The following NPHP1 variants were observed in gnomAD, a reference collection of about 807,000 sequenced individuals.
NPHP1 encodes the protein nephrocystin 1, also known as nephrocystin-1.
In NPHP1, 70 loss-of-function variants were observed where a neutral mutation model predicts 90.4. That is an observed-to-expected ratio of 0.77 (90% confidence interval 0.64 to 0.95). The LOEUF (loss-of-function observed/expected upper bound fraction) is 0.95, where lower values mean the gene tolerates loss of function less well. Among genes scored for constraint, NPHP1 ranks in the 40% least tolerant of loss-of-function variants. The pLI, the probability that NPHP1 is intolerant of heterozygous loss-of-function variation, is 0.00. For missense variants in NPHP1, 764 were observed against 795.9 expected, an observed-to-expected ratio of 0.96 and a Z score of 0.48; for synonymous variants, 256 against 271.7, an observed-to-expected ratio of 0.94 and a Z score of 0.57.
chr2:110,194,906 CCA>C (rs1491487184), intron 2 of NPHP1, among the ~76,000 whole-genome samples: 2 of 135,880 alleles, frequency 1.5e-5, no homozygotes, highest in Admixed American at 1.5e-4. Context: ...ACGACAAAAA[CCA>C]CATGATTATC....
chr2:110,154,917 T>C (rs1681776589), intron 11 of NPHP1, among the ~76,000 whole-genome samples: 1 of 152,066 alleles, frequency 6.6e-6, no homozygotes, highest in Non-Finnish European at 1.5e-5. Flanking sequence ...TTCGCATAGG[T>C]AACAAGGAGC....
rs368025611 is a variant in NPHP1, at chr2:110,201,460, T to C, written c.104A>G (p.Glu35Gly). Residue 35 changes from glutamate to glycine, a missense_variant, in exon 2 of 20, where the codon GAA (glutamate) becomes GGA (glycine). Physicochemically the swap from Glu to Gly is moderately conservative, Grantham distance 98 (BLOSUM62 -2). Transcript: ENST00000445609. ...TTGTCTTTTATTGGGTTCTAGAGCT[T>C]CTTTCAGTTGGCTCTCAGAAAGCAA... ...DSLLSESQLK[E>G]ALEPNKRQHI... 39 of 1,610,804 alleles carry C rather than the reference T, an allele frequency of 2.4e-5. No homozygotes were observed. Among genetic ancestry groups the C allele is most frequent in the Non-Finnish European group, 3.0e-5 (35 of 1,178,104 alleles).
At chr2:110,154,577 G>T (rs1681746480) in intron 11 of NPHP1, among the ~76,000 whole-genome samples, 1 of 152,138 alleles carries the variant, frequency 6.6e-6, no homozygotes, top group South Asian at 2.1e-4. Flanking sequence ...TGAACAATAA[G>T]GTCCAGGCTG....
chr2:110,150,309 AC>A, intron 11 of NPHP1, 53 bp from the exon 12 acceptor site: 1 of 1,527,058 alleles, frequency 6.5e-7, no homozygotes, highest in Non-Finnish European at 9.1e-7. Context: ...TTGAAATGTC[AC>A]CATTTCCATG....
rs1437420876 is a variant in NPHP1, at chr2:110,161,678, A to G, written c.879T>C (p.Asn293=). The G allele has an allele frequency of 6.2e-7, 1 of 1,612,312 alleles. No homozygotes were observed. Among genetic ancestry groups the G allele is most frequent in the Non-Finnish European group, 8.5e-7 (1 of 1,178,506 alleles). Reference sequence around the variant, plus strand: ...GCATGAGCTCTGGTTGTAAGAAGTAATTTGCTCGAAATTGATTCCCTGAAA... The same window carrying G: ...GCATGAGCTCTGGTTGTAAGAAGTAGTTTGCTCGAAATTGATTCCCTGAAA... The part of the protein sequence containing the change: ...LLEEGNQFRA[N]YFLQPELMPS... The change falls in exon 10 of 20, where the codon AAT becomes AAC. Residue 293 remains asparagine, a synonymous_variant. Coordinates refer to ENST00000445609, the MANE Select transcript of NPHP1 (RefSeq NM_001128178.3).
chr2:110,129,052 A>G (rs1679575756), intron 18 of NPHP1, 134 bp downstream of exon 18: 2 of 706,164 alleles, frequency 2.8e-6, no homozygotes, highest in East Asian at 5.4e-5. Flanking sequence ...GGACTGAGTT[A>G]CCTAGACAAT....
chr2:110,173,600 T>G (rs532357251), intron 4 of NPHP1, among the ~76,000 whole-genome samples: 1 of 152,176 alleles, frequency 6.6e-6, no homozygotes, highest in Non-Finnish European at 1.5e-5. Context: ...TGTGTTACAA[T>G]TGTGTACAGT....
chr2:110,170,430 C>G (rs145476638), intron 4 of NPHP1, among the ~76,000 whole-genome samples: 3 of 152,268 alleles, frequency 2.0e-5, no homozygotes, highest in Non-Finnish European at 4.4e-5. Context: ...AATAATAGAA[C>G]CTGCCTTCTA....
At chr2:110,165,305 A>G in intron 6 of NPHP1, 150 bp from the exon 7 acceptor site, 1 of 678,362 alleles carries the variant, frequency 1.5e-6, no homozygotes, top group South Asian at 1.7e-5. Context: ...TACTTTCAGA[A>G]AATCTTGAGC....
chr2:110,175,199 G>C (rs1227617481), intron 4 of NPHP1, among the ~76,000 whole-genome samples: 3 of 151,952 alleles, frequency 2.0e-5, no homozygotes, highest in African/African-American at 7.2e-5. Context: ...GAATCAACTG[G>C]ATATTATAAA....
At chr2:110,132,934 CA>C (rs1423979245) in intron 16 of NPHP1, among the ~76,000 whole-genome samples, 1 of 151,784 alleles carries the variant, frequency 6.6e-6, no homozygotes, top group Non-Finnish European at 1.5e-5. Flanking sequence ...AAAAGGGAAT[CA>C]AAATTTGTCA....
At chr2:110,151,538 A>G (rs932626125) in intron 11 of NPHP1, among the ~76,000 whole-genome samples, 3 of 152,188 alleles carry the variant, frequency 2.0e-5, no homozygotes, top group African/African-American at 7.2e-5. Flanking sequence ...ATAATTTAAA[A>G]TAATCCCAAA....
At chr2:110,144,590 A>G (rs749453064) in intron 14 of NPHP1, 21 bp from the exon 15 acceptor site, 4 of 1,414,146 alleles carry the variant, frequency 2.8e-6, no homozygotes, top group South Asian at 1.1e-5. Context: ...ATAACATACA[A>G]TGACAGATAT....
At position 110,182,080 on chromosome 2, in the gene NPHP1, T is replaced by C. The variant is rs532532352; in HGVS notation, c.144-2396A>G. Among the ~76,000 whole-genome samples, 102 of 151,520 alleles carry C rather than the reference T, an allele frequency of 6.7e-4. 1 individual carries two copies. The highest frequency in any genetic ancestry group is 1.0e-3 in the Non-Finnish European group (70 of 67,850). On this transcript the variant is annotated intron_variant, in intron 2 of 19. Transcript: ENST00000445609. Reference sequence around the variant, plus strand: ...CTGAATTAAGACAGGCGGACAAGAATAGGGAAAAAAGAATGAAAATGAATG... The same window carrying C: ...CTGAATTAAGACAGGCGGACAAGAACAGGGAAAAAAGAATGAAAATGAATG...
intron 16 of NPHP1, among the ~76,000 whole-genome samples, chr2:110,133,756 A>C (rs1484898994): frequency 7.0e-6 from 1 of 143,082 alleles, no homozygotes; most frequent in Non-Finnish European, 1.5e-5. Context: ...AAATATGTGG[A>C]AATTAAACAA....
At chr2:110,131,278 C>T (rs894205883) in intron 17 of NPHP1, among the ~76,000 whole-genome samples, 5 of 152,094 alleles carry the variant, frequency 3.3e-5, no homozygotes, top group African/African-American at 1.2e-4. Context: ...TTAAACTAAT[C>T]CATTTGATAC....
At position 110,123,930 on chromosome 2, in the gene NPHP1, A is replaced by G. The variant is rs1212945698; in HGVS notation, c.1895T>C (p.Ile632Thr). ...TTGGTTTTGCTTAAGGAAGTCAGTGATAACTTTCCACCGTGCAGTCTCAGT... is the reference window on the plus strand; with the variant it reads ...TTGGTTTTGCTTAAGGAAGTCAGTGGTAACTTTCCACCGTGCAGTCTCAGT... ...EETETARWKV[I>T]TDFLKQNQEN... The change falls in exon 20 of 20, where the codon ATC becomes ACC. Residue 632 changes from isoleucine (I) to threonine (T), a missense_variant. By Grantham distance (89) the Ile-to-Thr change is moderately conservative. Coordinates refer to ENST00000445609, the MANE Select transcript of NPHP1 (RefSeq NM_001128178.3). 15 of 1,614,018 alleles carry G rather than the reference A, an allele frequency of 9.3e-6. No individual in the cohort carries two copies. Among genetic ancestry groups the G allele is most frequent in the Non-Finnish European group, 1.2e-5 (14 of 1,180,012 alleles).
In NPHP1 at chr2:110,164,735, G is replaced by T. The variant is rs747422807; in HGVS notation, c.729-5C>A. On this transcript the variant is annotated splice_polypyrimidine_tract_variant and splice_region_variant and intron_variant, in intron 7 of 19. Coordinates refer to ENST00000445609, the MANE Select transcript of NPHP1 (RefSeq NM_001128178.3). ...GCACTCCAGTGGGGATCAGTTCTGG[G>T]GAGACAAAATAGCAAAGTGAGTCAG... The T allele has an allele frequency of 6.8e-6, 11 of 1,613,014 alleles. 1 individual carries two copies. In the South Asian group the frequency reaches 9.9e-5, roughly 14 times the overall value.
At chr2:110,187,707 C>T (rs1336727899) in intron 2 of NPHP1, among the ~76,000 whole-genome samples, 1 of 152,034 alleles carries the variant, frequency 6.6e-6, no homozygotes, top group African/African-American at 2.4e-5. Context: ...GGGAGAGATA[C>T]AGCAAAAACA....
Sources: allele counts gnomAD v4.1 joint callset (sites outside exome capture counted in the v4.1 genomes callset), GRCh38; gene constraint gnomAD v4.1.1; transcripts MANE v1.5; gene names NCBI Gene and HGNC (gene_info 2026-07-23, HGNC 2026-07-21).